The following HIVEP3 variants were observed in gnomAD, a reference collection of about 807,000 sequenced individuals.
HIVEP3 encodes transcription factor HIVEP3.
In HIVEP3, 49 loss-of-function variants were observed where a neutral mutation model predicts 152.8. That is an observed-to-expected ratio of 0.32 (90% CI 0.26 to 0.41). The LOEUF is 0.41. HIVEP3 is among the 10% of genes least tolerant of loss of function. The probability of loss-of-function intolerance (pLI) is 1.00; values close to 1 mark genes in which losing one functional copy is unlikely to be tolerated. For missense variants in HIVEP3, 2,790 were observed against 3,103.3 expected, an observed-to-expected ratio of 0.90 and a Z score of 2.40; for synonymous variants, 1,269 against 1,289.0, an observed-to-expected ratio of 0.98 and a Z score of 0.33.
chr1:41,985,232 A>G (rs1029650335), intron 1 of HIVEP3, among the ~76,000 whole-genome samples: 2 of 152,246 alleles, frequency 1.3e-5, no homozygotes, highest in African/African-American at 2.4e-5. Flanking sequence ...CAGTACCACA[A>G]AATGAGGCCT....
At chr1:42,009,981 G>A (rs2124528948) in intron 1 of HIVEP3, among the ~76,000 whole-genome samples, 1 of 152,168 alleles carries the variant, frequency 6.6e-6, no homozygotes, top group Admixed American at 6.5e-5. Context: ...CCAGGCTGGA[G>A]TGCCATGGTG....
intron 1 of HIVEP3, among the ~76,000 whole-genome samples, chr1:41,898,528 C>T (rs1261033579): frequency 6.6e-6 from 1 of 152,240 alleles, no homozygotes; most frequent in Admixed American, 6.5e-5. Context: ...GGCAAGGACC[C>T]TCAGGGCTGA....
chr1:41,939,281 CCCT>C (rs1317647574), intron 1 of HIVEP3, among the ~76,000 whole-genome samples: 1 of 152,098 alleles, frequency 6.6e-6, no homozygotes, highest in Non-Finnish European at 1.5e-5. Flanking sequence ...CTCTGTGTGT[CCCT>C]CTTTGGTTTC....
At chr1:41,645,357 G>A (rs1353611164) in intron 2 of HIVEP3, among the ~76,000 whole-genome samples, 1 of 152,210 alleles carries the variant, frequency 6.6e-6, no homozygotes, top group Non-Finnish European at 1.5e-5. Flanking sequence ...AGAGAAGGAA[G>A]TAGGGTTGCA....
intron 1 of HIVEP3, among the ~76,000 whole-genome samples, chr1:42,033,868 T>G (rs1570905752): frequency 1.3e-5 from 2 of 152,338 alleles, no homozygotes; most frequent in South Asian, 4.1e-4. Flanking sequence ...CTGCCTAGGT[T>G]AGAATCTGGC....
At chr1:41,529,578 G>A (rs1161900239) in intron 5 of HIVEP3, among the ~76,000 whole-genome samples, 4 of 45,572 alleles carry the variant, frequency 8.8e-5, no homozygotes, top group Non-Finnish European at 1.6e-4. Flanking sequence ...TCACACATAC[G>A]TCCCCACCTT....
intron 2 of HIVEP3, among the ~76,000 whole-genome samples, chr1:41,633,506 G>A (rs923535836): frequency 2.6e-5 from 4 of 152,158 alleles, no homozygotes; most frequent in Non-Finnish European, 5.9e-5. Flanking sequence ...GGTACTGGGA[G>A]CAGAAAGTAC....
At chr1:41,629,177 C>T (rs1420055053) in intron 2 of HIVEP3, among the ~76,000 whole-genome samples, 2 of 152,134 alleles carry the variant, frequency 1.3e-5, no homozygotes, top group African/African-American at 4.8e-5. Flanking sequence ...AGATGGCCCT[C>T]AAGATTTCCG....
rs1570003761 is a variant in HIVEP3 at position 41,583,144 on chromosome 1, T to G, written c.1654A>C (p.Thr552Pro). The change falls in exon 4 of 9, where the codon ACC becomes CCC. Residue 552 changes from threonine (T) to proline (P), a missense_variant. Thr to Pro is a conservative substitution (Grantham distance 38). Around this residue, in one of 9 missense-constraint regions of HIVEP3, gnomAD observed 339 missense variants for 327.0 expected, o/e 1.04. Transcript: ENST00000372583. This position sits in a 1 kb window ranked among gnomAD's most constrained non-coding sequence, Gnocchi z 6.9. ...CTACCTCGGAAGGGGTGGTGGGGGG[T>G]GCTGATAGTGCAGGCGGCAGAAGGC... is the stretch of plus-strand genomic sequence containing the variant. ...SMPSAACTIS[T>P]PHHPFRGSYS... The G allele has an allele frequency of 1.9e-6, 3 of 1,608,456 alleles. No homozygotes were observed. The highest frequency in any genetic ancestry group is 1.7e-5 in the Admixed American group (1 of 59,538).
At chr1:41,779,187 T>C (rs1648891412) in intron 1 of HIVEP3, among the ~76,000 whole-genome samples, 1 of 151,960 alleles carries the variant, frequency 6.6e-6, no homozygotes, top group Admixed American at 6.6e-5. Context: ...ACCAGGTGCA[T>C]CTCTCTGTTC....
chr1:41,611,150 G>A (rs907368833), intron 3 of HIVEP3, among the ~76,000 whole-genome samples: 5 of 152,194 alleles, frequency 3.3e-5, no homozygotes, highest in African/African-American at 1.2e-4. Flanking sequence ...GTCACGGGTT[G>A]TCCAGGGAAT....
At chr1:41,765,493 G>A (rs1647953883) in intron 1 of HIVEP3, among the ~76,000 whole-genome samples, 1 of 152,174 alleles carries the variant, frequency 6.6e-6, no homozygotes. Flanking sequence ...GTGTCTTTGG[G>A]CAGGTCTCCA....
At chr1:41,516,173 C>T (rs3122128) in intron 7 of HIVEP3, among the ~76,000 whole-genome samples, 139,458 of 152,244 alleles carry the variant, frequency 0.92, 65,054 homozygotes, top group Non-Finnish European at 1. Context: ...AGGGAATGCC[C>T]CTGGCTGGGC....
chr1:41,805,528 G>A (rs1286836771), intron 1 of HIVEP3, among the ~76,000 whole-genome samples: 1 of 152,224 alleles, frequency 6.6e-6, no homozygotes, highest in East Asian at 1.9e-4. Flanking sequence ...CAAGCTGGGG[G>A]CTCTCCCTCT....
chr1:41,526,063 G>GGCTGGGAGGAGGTGA (rs1553220006), intron 5 of HIVEP3, among the ~76,000 whole-genome samples: 1 of 152,030 alleles, frequency 6.6e-6, no homozygotes, highest in Admixed American at 6.5e-5. Context: ...GGCAGGAGGT[G>GGCTGGGAGGAGGTGA]GCTGGGAGGA....
Position 41,946,151 on chromosome 1 carries a change from G to A in HIVEP3, n.120-27627C>T, listed in dbSNP as rs1001262539. 3.3e-5 allele frequency among the ~76,000 whole-genome samples: 5 copies of A among 152,212 alleles called. No homozygotes were observed. The East Asian group carries it at 7.7e-4, about 23-fold the overall frequency. On this transcript the variant is annotated intron_variant and non_coding_transcript_variant, in intron 1 of 3. Coordinates refer to the HIVEP3 transcript ENST00000489103. The stretch of plus-strand genomic sequence containing the variant: ...GGCTTGCTTCCAGTGCAGTCTACAA[G>A]GACGCTTTAGAAAAGATTGTCCAAG...
intron 2 of HIVEP3, among the ~76,000 whole-genome samples, chr1:41,691,860 C>G (rs1221404609): frequency 1.3e-5 from 2 of 149,758 alleles, no homozygotes; most frequent in African/African-American, 5.0e-5. Context: ...TTCATAGTCA[C>G]TTGTGGGTGT....
At chr1:41,963,008 T>TTTTTTTG (rs1222904365) in intron 1 of HIVEP3, among the ~76,000 whole-genome samples, 1 of 152,184 alleles carries the variant, frequency 6.6e-6, no homozygotes, top group Non-Finnish European at 1.5e-5. Flanking sequence ...AAAAGTTGTT[T>TTTTTTTG]TTTTTTGTTT....
At chr1:41,595,393 C>A (rs950218909) in intron 3 of HIVEP3, among the ~76,000 whole-genome samples, 8 of 152,176 alleles carry the variant, frequency 5.3e-5, no homozygotes, top group Non-Finnish European at 4.4e-5. Context: ...TTCCTGGCCT[C>A]CTCTCTCTCC....
Sources: allele counts gnomAD v4.1 joint callset (sites outside exome capture counted in the v4.1 genomes callset), GRCh38; gene constraint gnomAD v4.1.1; regional missense constraint gnomAD v4.1.1; non-coding constraint Gnocchi (gnomAD v3.1); transcripts MANE v1.5; gene names NCBI Gene and HGNC (gene_info 2026-07-23, HGNC 2026-07-21).